ZFHX3: variants seen among roughly 807,000 people sequenced by gnomAD.
ZFHX3 encodes the protein zinc finger homeobox 3, also known as zinc finger homeobox protein 3.
ZFHX3 carries 42 observed loss-of-function variants against 279.1 expected under a neutral mutation model. The ratio of observed to expected loss-of-function variants is 0.15; its 90% CI spans 0.12 to 0.19. The LOEUF (loss-of-function observed/expected upper bound fraction) is 0.19, where lower values mean the gene tolerates loss of function less well. Among genes scored for constraint, ZFHX3 ranks in the 10% least tolerant of loss-of-function variants. The pLI is 1.00. For synonymous variants in ZFHX3, 2,293 were observed against 1,957.8 expected (o/e 1.17, Z -4.52); for missense variants, 4,981 against 4,754.0 (o/e 1.05, Z -1.40).
chr16:73,662,275 T>A (rs986513483), intron 2 of ZFHX3, among the ~76,000 whole-genome samples: 3 of 152,282 alleles, frequency 2.0e-5, no homozygotes, highest in Non-Finnish European at 2.9e-5. Context: ...TTTTCCCAGA[T>A]TTTTTTGGCT....
chr16:73,823,251 G>A (rs906970566), intron 1 of ZFHX3, among the ~76,000 whole-genome samples: 3 of 152,164 alleles, frequency 2.0e-5, no homozygotes, highest in South Asian at 2.1e-4. Context: ...TAGGCAGAGA[G>A]AAATAGGGGG....
At chr16:73,705,868 T>C (rs1228544862) in intron 1 of ZFHX3, among the ~76,000 whole-genome samples, 1 of 152,162 alleles carries the variant, frequency 6.6e-6, no homozygotes, top group Non-Finnish European at 1.5e-5. Flanking sequence ...CAGCCTCAGA[T>C]AGGTTCCTCT....
chr16:73,628,963 G>A (rs2052443068), intron 2 of ZFHX3, among the ~76,000 whole-genome samples: 1 of 152,182 alleles, frequency 6.6e-6, no homozygotes, highest in South Asian at 2.1e-4. Flanking sequence ...GAAGGGGTGT[G>A]TGGCTGTATA....
intron 1 of ZFHX3, among the ~76,000 whole-genome samples, chr16:72,986,778 A>C (rs1962865975): frequency 6.6e-6 from 1 of 152,148 alleles, no homozygotes; most frequent in African/African-American, 2.4e-5. Context: ...TCCTGCGATT[A>C]AGGATGGCAG....
intron 1 of ZFHX3, among the ~76,000 whole-genome samples, chr16:73,747,785 T>G (rs2053717815): frequency 6.6e-6 from 1 of 152,214 alleles, no homozygotes; most frequent in African/African-American, 2.4e-5. Context: ...AGAGAATTTC[T>G]TCAACCAAAC....
At chr16:73,743,776 C>T (rs550969869) in intron 1 of ZFHX3, among the ~76,000 whole-genome samples, 19 of 152,254 alleles carry the variant, frequency 1.2e-4, no homozygotes, top group Middle Eastern at 3.4e-3. Flanking sequence ...TGGTATTCCA[C>T]GCTGTCACCT....
chr16:73,532,187 C>T (rs1277024293), intron 2 of ZFHX3, among the ~76,000 whole-genome samples: 1 of 151,618 alleles, frequency 6.6e-6, no homozygotes, highest in East Asian at 2.0e-4. Flanking sequence ...TGAATTGTAG[C>T]TCCCACGTGT....
intron 7 of ZFHX3, among the ~76,000 whole-genome samples, chr16:73,129,541 A>G (rs1277078272): frequency 2.0e-5 from 3 of 151,882 alleles, no homozygotes; most frequent in African/African-American, 7.3e-5. Flanking sequence ...CTGCTTGTCA[A>G]ATGCTGGTTG....
At chr16:73,324,087 G>A (rs572097565) in intron 3 of ZFHX3, among the ~76,000 whole-genome samples, 4 of 152,322 alleles carry the variant, frequency 2.6e-5, no homozygotes, top group African/African-American at 9.6e-5. Context: ...TAGCTGACAA[G>A]AGCCTTTGAG....
At position 73,397,906 on chromosome 16, in the gene ZFHX3, G is replaced by A. The variant is rs149504610; in HGVS notation, c.-1291+58097C>T. On this transcript the variant is annotated intron_variant, in intron 3 of 17. Coordinates refer to the ZFHX3 transcript ENST00000641206. ...GCCACCCAGGCTGGAGTGCAATGGCGCAATCTTGGCTCACTGCAACCTCTG... is the reference window on the plus strand; with the variant it reads ...GCCACCCAGGCTGGAGTGCAATGGCACAATCTTGGCTCACTGCAACCTCTG... 1.3e-3 allele frequency among the ~76,000 whole-genome samples: 201 copies of A among 152,170 alleles called. 1 individual carries two copies. Among genetic ancestry groups the A allele is most frequent in the African/African-American group, 4.6e-3 (189 of 41,514 alleles).
Position 73,143,848 on chromosome 16 carries a change from A to G in ZFHX3, c.-1103-17T>C, listed in dbSNP as rs1286745718. The G allele has an allele frequency of 3.2e-6, 4 of 1,236,858 alleles. No individual in the cohort carries two copies. In the South Asian group the frequency reaches 5.1e-5, roughly 16 times the overall value. The allele number at this position is 1,236,858 out of a possible 1,614,324, so 76.6% of individuals were successfully genotyped here. ...TCTTCCGAGCTGAAGAAGAAAAGAA[A>G]GGACAAAAACACGGTTGGGGAGATG... On this transcript the variant is annotated splice_polypyrimidine_tract_variant and intron_variant, in intron 5 of 17. Coordinates refer to the ZFHX3 transcript ENST00000641206.
chr16:73,440,274 A>AT (rs1173248596), intron 3 of ZFHX3, among the ~76,000 whole-genome samples: 3 of 152,178 alleles, frequency 2.0e-5, no homozygotes, highest in Admixed American at 2.0e-4. Flanking sequence ...GTGTTACTGA[A>AT]TTACAATCAG....
chr16:73,786,718 C>T (rs1216055115), intron 1 of ZFHX3, among the ~76,000 whole-genome samples: 1 of 152,202 alleles, frequency 6.6e-6, no homozygotes, highest in African/African-American at 2.4e-5. Flanking sequence ...AGAGCCTGTT[C>T]AGCCTCTCCA....
intron 1 of ZFHX3, among the ~76,000 whole-genome samples, chr16:73,857,012 G>A (rs552984679): frequency 2.0e-5 from 3 of 152,320 alleles, no homozygotes; most frequent in African/African-American, 7.2e-5. Context: ...GACAAACAGA[G>A]TGCCGAGGTA....
At chr16:72,826,866 C>G (rs983733911) in intron 5 of ZFHX3, among the ~76,000 whole-genome samples, 2 of 152,172 alleles carry the variant, frequency 1.3e-5, no homozygotes, top group African/African-American at 4.8e-5. Flanking sequence ...TTATGGTGCT[C>G]ATTTTACGTC....
At chr16:73,382,857 C>T (rs909598637) in intron 3 of ZFHX3, among the ~76,000 whole-genome samples, 2 of 152,174 alleles carry the variant, frequency 1.3e-5, no homozygotes, top group Non-Finnish European at 1.5e-5. Flanking sequence ...ATGAGGGCTA[C>T]CCCTGAGAAA....
intron 1 of ZFHX3, among the ~76,000 whole-genome samples, chr16:73,710,235 A>G (rs1386929200): frequency 2.0e-5 from 3 of 152,210 alleles, no homozygotes; most frequent in Non-Finnish European, 2.9e-5. Context: ...GAATGGATGC[A>G]TTAAGCATTT....
chr16:73,029,742 T>A (rs1370770356), intron 1 of ZFHX3, among the ~76,000 whole-genome samples: 1 of 152,280 alleles, frequency 6.6e-6, no homozygotes, highest in East Asian at 1.9e-4. Context: ...GTGGACATCT[T>A]TAGGTGGCTG....
At chr16:72,993,198 G>A (rs550517061) in intron 1 of ZFHX3, among the ~76,000 whole-genome samples, 7 of 152,102 alleles carry the variant, frequency 4.6e-5, no homozygotes, top group East Asian at 3.9e-4. Flanking sequence ...CAGGTCCCCC[G>A]GCCTGGCTGG....
Sources: gnomAD v4.1 joint callset for allele counts (sites outside exome capture counted in the v4.1 genomes callset) on GRCh38, gnomAD v4.1.1 for gene constraint, MANE v1.5 for transcripts, NCBI Gene and HGNC (gene_info 2026-07-23, HGNC 2026-07-21) for gene names.